UBE2E2: variants seen among roughly 807,000 people sequenced by gnomAD.
UBE2E2 encodes the protein ubiquitin-conjugating enzyme E2 E2.
Under a neutral mutation model 24.7 loss-of-function variants are expected in UBE2E2, and 6 were observed. The ratio of observed to expected loss-of-function variants is 0.24; its 90% CI spans 0.13 to 0.48. The LOEUF is 0.48. UBE2E2 is among the 20% of genes least tolerant of loss of function. The probability of loss-of-function intolerance (pLI) is 0.99; values close to 1 mark genes in which losing one functional copy is unlikely to be tolerated. For synonymous variants in UBE2E2, 104 were observed against 83.6 expected (o/e 1.24, Z -1.33); for missense variants, 169 against 245.0 (o/e 0.69, Z 2.07).
intron 3 of UBE2E2, among the ~76,000 whole-genome samples, chr3:23,472,060 C>T (rs1332739082): frequency 6.6e-6 from 1 of 151,852 alleles, no homozygotes; most frequent in East Asian, 1.9e-4. Flanking sequence ...TAGATTAAAA[C>T]TATGAACTAT....
At chr3:23,475,520 A>G (rs1699109760) in intron 3 of UBE2E2, among the ~76,000 whole-genome samples, 1 of 151,890 alleles carries the variant, frequency 6.6e-6, no homozygotes. Flanking sequence ...CTATATCCTC[A>G]CTGCTATCAG....
chr3:23,383,590 G>C (rs1308373663), intron 3 of UBE2E2, among the ~76,000 whole-genome samples: 1 of 151,772 alleles, frequency 6.6e-6, no homozygotes, highest in African/African-American at 2.4e-5. Flanking sequence ...CGGCCACTCT[G>C]TAAACCTAAT....
At chr3:23,571,119 G>C (rs1037217452) in intron 5 of UBE2E2, among the ~76,000 whole-genome samples, 7 of 151,664 alleles carry the variant, frequency 4.6e-5, no homozygotes, top group African/African-American at 1.7e-4. Flanking sequence ...AAGAAGTGAT[G>C]AGTTTTTAAG....
At chr3:23,252,831 C>T (rs13099586) in intron 3 of UBE2E2, among the ~76,000 whole-genome samples, 8,617 of 152,200 alleles carry the variant, frequency 0.057, 393 homozygotes, top group Non-Finnish European at 0.08. Context: ...TTTATGTCCC[C>T]GCAGTAGAAA....
chr3:23,247,397 C>T (rs1245938422), intron 3 of UBE2E2, among the ~76,000 whole-genome samples: 2 of 151,134 alleles, frequency 1.3e-5, no homozygotes, highest in African/African-American at 2.4e-5. Context: ...GCTCTGTCAC[C>T]AGGCTGGAGT....
intron 4 of UBE2E2, among the ~76,000 whole-genome samples, chr3:23,514,728 A>G (rs939170814): frequency 2.0e-5 from 3 of 152,088 alleles, no homozygotes; most frequent in African/African-American, 7.2e-5. Flanking sequence ...AGCTGAGACA[A>G]GGAGAAATGT....
At chr3:23,458,822 A>G (rs1470112373) in intron 3 of UBE2E2, among the ~76,000 whole-genome samples, 1 of 152,202 alleles carries the variant, frequency 6.6e-6, no homozygotes, top group Admixed American at 6.5e-5. Flanking sequence ...CTGCTGGAAA[A>G]TGGTGCTGAT....
chr3:23,568,620 CATATAT>C (rs67784158), intron 5 of UBE2E2, among the ~76,000 whole-genome samples: 2 of 136,812 alleles, frequency 1.5e-5, no homozygotes, highest in African/African-American at 2.8e-5. Flanking sequence ...TATACACACA[CATATAT>C]ATATGTATAC....
rs557075057 is a variant in UBE2E2 at position 23,501,117 on chromosome 3, G to A, written c.360+1377G>A. 2.6e-5 allele frequency among the ~76,000 whole-genome samples: 4 copies of A among 152,242 alleles called. 1 individual carries two copies. The highest frequency in any genetic ancestry group is 9.6e-5 in the African/African-American group (4 of 41,556). On this transcript the variant is annotated intron_variant, in intron 4 of 5. Transcript: ENST00000396703. ...CCTGGAGTATCTGTTGTACTATGAG[G>A]GATGTAAGGACCTTTCTTTCTCAGC...
At chr3:23,374,859 C>A (rs1021954595) in intron 3 of UBE2E2, among the ~76,000 whole-genome samples, 1 of 152,080 alleles carries the variant, frequency 6.6e-6, no homozygotes, top group Non-Finnish European at 1.5e-5. Context: ...GTCTCAAACT[C>A]CTGATCTCAT....
chr3:23,519,665 A>G (rs1405928006), intron 4 of UBE2E2, among the ~76,000 whole-genome samples: 1 of 152,046 alleles, frequency 6.6e-6, no homozygotes, highest in Non-Finnish European at 1.5e-5. Flanking sequence ...GAATATATAT[A>G]TGTGTGAGGG....
chr3:23,300,054 C>G (rs1699027832), intron 3 of UBE2E2, among the ~76,000 whole-genome samples: 1 of 151,964 alleles, frequency 6.6e-6, no homozygotes, highest in Admixed American at 6.6e-5. Flanking sequence ...TTCTTTGTCT[C>G]TTTTGATCTT....
At chr3:23,411,939 C>T (rs778469) in intron 3 of UBE2E2, among the ~76,000 whole-genome samples, 26,788 of 152,030 alleles carry the variant, frequency 0.18, 2,344 homozygotes, top group South Asian at 0.21. Flanking sequence ...GCAGTACAAA[C>T]GAAATCACAG....
chr3:23,537,170 A>G (rs1315598308), intron 5 of UBE2E2, among the ~76,000 whole-genome samples: 1 of 152,126 alleles, frequency 6.6e-6, no homozygotes, highest in African/African-American at 2.4e-5. Flanking sequence ...TGGCTTGTGT[A>G]TTTCATTCCC....
intron 3 of UBE2E2, among the ~76,000 whole-genome samples, chr3:23,351,084 A>G (rs915475200): frequency 1.3e-5 from 2 of 152,246 alleles, no homozygotes; most frequent in Non-Finnish European, 2.9e-5. Flanking sequence ...CAAATATTCA[A>G]CATTCCTAAA....
intron 3 of UBE2E2, among the ~76,000 whole-genome samples, chr3:23,488,734 G>T (rs1699433745): frequency 6.6e-6 from 1 of 152,170 alleles, no homozygotes; most frequent in South Asian, 2.1e-4. Flanking sequence ...TTATACTGCA[G>T]ATAAGATCGG....
chr3:23,257,292 G>A lies in UBE2E2; in HGVS notation c.227+39980G>A, dbSNP rs1052956374. 4.7e-4 allele frequency among the ~76,000 whole-genome samples: 72 copies of A among 152,142 alleles called. 1 individual carries two copies. The highest frequency in any genetic ancestry group is 1.0e-4 in the Non-Finnish European group (7 of 68,026). Reference sequence around the variant, plus strand: ...TTTCTTGGTAATCTTTCTCTATCCAGCTCTTCATCAGAGCAGGACTAGCTC... The same window carrying A: ...TTTCTTGGTAATCTTTCTCTATCCAACTCTTCATCAGAGCAGGACTAGCTC... On this transcript the variant is annotated intron_variant, in intron 3 of 5. Transcript: ENST00000396703.
chr3:23,309,323 A>T (rs1699315379), intron 3 of UBE2E2, among the ~76,000 whole-genome samples: 1 of 152,142 alleles, frequency 6.6e-6, no homozygotes, highest in African/African-American at 2.4e-5. Flanking sequence ...CCTAATATTA[A>T]CCATAACACT....
chr3:23,579,386 A>G (rs1297396712), intron 5 of UBE2E2, among the ~76,000 whole-genome samples: 3 of 100,186 alleles, frequency 3.0e-5, no homozygotes, highest in African/African-American at 2.3e-4. Context: ...CTCCATCTCA[A>G]AAAAAAAAAA....
Sources: gnomAD v4.1 joint callset for allele counts (sites outside exome capture counted in the v4.1 genomes callset) on GRCh38, gnomAD v4.1.1 for gene constraint, MANE v1.5 for transcripts, NCBI Gene and HGNC (gene_info 2026-07-23, HGNC 2026-07-21) for gene names.